MTCL1: variants seen among roughly 807,000 people sequenced by gnomAD.
MTCL1 encodes the protein microtubule crosslinking factor 1.
A neutral mutation model predicts 141.4 loss-of-function variants in MTCL1; 79 were observed. The ratio of observed to expected loss-of-function variants is 0.56; its 90% CI spans 0.47 to 0.67. MTCL1 has a LOEUF of 0.67. Among genes scored for constraint, MTCL1 ranks in the 30% least tolerant of loss-of-function variants. The pLI is 0.00. For synonymous variants in MTCL1, 914 were observed against 875.8 expected (o/e 1.04, Z -0.77); for missense variants, 2,177 against 2,113.9 (o/e 1.03, Z -0.59).
At chr18:8,728,788 T>G (rs1207574605) in intron 4 of MTCL1, among the ~76,000 whole-genome samples, 2 of 44,666 alleles carry the variant, frequency 4.5e-5, no homozygotes, top group Admixed American at 6.9e-4. Flanking sequence ...TGGAGTGCAG[T>G]GGCGTGATTG....
intron 4 of MTCL1, among the ~76,000 whole-genome samples, chr18:8,728,558 A>G (rs1212031573): frequency 1.3e-5 from 2 of 152,052 alleles, no homozygotes; most frequent in African/African-American, 4.8e-5. Context: ...TTTGCTCAGC[A>G]TTCACCGTCA....
At chr18:8,795,286 C>T (rs1006814230) in intron 8 of MTCL1, among the ~76,000 whole-genome samples, 1 of 152,128 alleles carries the variant, frequency 6.6e-6, no homozygotes, top group African/African-American at 2.4e-5. Flanking sequence ...AAACAAATCC[C>T]TTACTTGGTT....
exon 3 of MTCL1, chr18:8,718,618 G>A: frequency 6.2e-7 from 1 of 1,613,430 alleles, no homozygotes; most frequent in East Asian, 2.2e-5. Flanking sequence ...TGGATGGTGA[G>A]CTTATTCGAA....
intron 6 of MTCL1, 32 bp from the exon 6 acceptor site, chr18:8,785,904 A>C (rs755549015): frequency 1.3e-6 from 2 of 1,539,618 alleles, no homozygotes; most frequent in Non-Finnish European, 1.7e-6. Context: ...TTAAAGAACA[A>C]CAACAACAAA....
chr18:8,718,579 A>C (rs1304550539), exon 3 of MTCL1: 1 of 1,614,120 alleles, frequency 6.2e-7, no homozygotes, highest in Admixed American at 1.7e-5. Flanking sequence ...CCGAGCAGAA[A>C]AGCCTGAAAG....
intron 9 of MTCL1, among the ~76,000 whole-genome samples, chr18:8,796,872 A>G (rs1199290403): frequency 6.6e-6 from 1 of 151,648 alleles, no homozygotes; most frequent in Non-Finnish European, 1.5e-5. Flanking sequence ...CTCAATGTCT[A>G]CTCTTTCTTT....
exon 3 of MTCL1, chr18:8,718,631 C>T (rs2096146330): frequency 6.2e-7 from 1 of 1,612,922 alleles, no homozygotes; most frequent in African/African-American, 1.3e-5. Flanking sequence ...TATTCGAAGC[C>T]TGGAGCAGGA....
chr18:8,823,431 C>T (rs626601), intron 14 of MTCL1, among the ~76,000 whole-genome samples: 42,563 of 152,030 alleles, frequency 0.28, 7,313 homozygotes, highest in African/African-American at 0.48. Flanking sequence ...TGGCATGTGT[C>T]CGGCACTTAC....
intron 10 of MTCL1, among the ~76,000 whole-genome samples, chr18:8,806,071 T>C (rs1213928150): frequency 6.6e-6 from 1 of 152,134 alleles, no homozygotes; most frequent in Non-Finnish European, 1.5e-5. Context: ...ATTTGCATGC[T>C]TAACATGAGC....
intron 4 of MTCL1, among the ~76,000 whole-genome samples, chr18:8,725,549 ACT>A (rs2096202827): frequency 6.6e-6 from 1 of 152,070 alleles, no homozygotes; most frequent in Non-Finnish European, 1.5e-5. Flanking sequence ...TTTGGGGTAC[ACT>A]CTGTTATTTT....
chr18:8,772,760 A>G (rs1002077920), intron 4 of MTCL1, among the ~76,000 whole-genome samples: 2 of 151,924 alleles, frequency 1.3e-5, no homozygotes, highest in Non-Finnish European at 2.9e-5. Flanking sequence ...TTTTCTTTAT[A>G]GTGTATTATG....
chr18:8,738,581 G>A (rs973775902), intron 4 of MTCL1, among the ~76,000 whole-genome samples: 2 of 152,176 alleles, frequency 1.3e-5, no homozygotes, highest in Non-Finnish European at 2.9e-5. Flanking sequence ...CAAAGGTGTG[G>A]CATTTCTTTT....
chr18:8,783,503 T>G lies in MTCL1; in HGVS notation c.418-27T>G, dbSNP rs143648570. ...AACATTTGGTATTTTCAAATAACCC[T>G]TCTCCCGGGCTGTTCTCTCCTGGCA... On this transcript the variant is annotated intron_variant, in intron 5 of 16. Transcript: ENST00000359865. 4,122 of 1,547,410 alleles carry G rather than the reference T, an allele frequency of 2.7e-3. 14 individuals are homozygous for G. Among genetic ancestry groups the G allele is most frequent in the Admixed American group, 3.0e-3 (155 of 51,350 alleles).
At position 8,828,782 on chromosome 18, in the gene MTCL1, C is replaced by T; in HGVS notation, c.4723-126C>T. 6.7e-7 allele frequency: 1 copy of T among 1,490,852 alleles called. No homozygotes were observed. The highest frequency in any genetic ancestry group is 1.7e-4 in the Middle Eastern group (1 of 5,780). The allele number at this position is 1,490,852 out of a possible 1,614,324, so 92.4% of individuals were successfully genotyped here. ...CCCGCAAGTCTCTCCTGGTGGCTAC[C>T]CCTGAGCGAGAGGGATGGTCCTCTA... On this transcript the variant is annotated intron_variant, in intron 15 of 16. Coordinates refer to ENST00000359865, the Ensembl canonical transcript of MTCL1. The surrounding 1 kb of genome is among the most constrained non-coding windows in gnomAD (Gnocchi z 5.2).
chr18:8,706,001 G>T, exon 1 of MTCL1: 3 of 1,156,642 alleles, frequency 2.6e-6, no homozygotes, highest in African/African-American at 1.6e-5. Flanking sequence ...CCCCCGCCGG[G>T]CGCCGGGGCC....
At chr18:8,721,417 G>A (rs751109209) in intron 4 of MTCL1, among the ~76,000 whole-genome samples, 4 of 151,832 alleles carry the variant, frequency 2.6e-5, no homozygotes, top group South Asian at 2.1e-4. Flanking sequence ...CTCTCAAGGC[G>A]CCTCCAGTTC....
chr18:8,770,075 G>A (rs956966818), intron 4 of MTCL1, among the ~76,000 whole-genome samples: 7 of 152,204 alleles, frequency 4.6e-5, no homozygotes, highest in African/African-American at 1.7e-4. Context: ...CCAGAAAACA[G>A]CCCAAATATG....
rs371053321 is a variant in MTCL1 at position 8,831,362 on chromosome 18, ATC to A, written c.*19-242_*19-241del. 1,003 of 1,335,672 alleles carry A rather than the reference ATC, an allele frequency of 7.5e-4. 7 individuals are homozygous for A. In the African/African-American group the frequency reaches 0.014, roughly 18 times the overall value. The allele number at this position is 1,335,672 out of a possible 1,614,324, so 82.7% of individuals were successfully genotyped here. A position where few individuals can be genotyped will look rare whatever the true frequency, so the allele number is the denominator to read the frequency against. Reference sequence around the variant, plus strand: ...CTAAAGGAGCTTTGCAAGCTGACTCATCTCACAGTATTGCTGTGTTTAATCAT... The same window carrying A: ...CTAAAGGAGCTTTGCAAGCTGACTCATCACAGTATTGCTGTGTTTAATCAT... On this transcript the variant is annotated intron_variant, in intron 16 of 16. Transcript: ENST00000359865.
intron 9 of MTCL1, among the ~76,000 whole-genome samples, chr18:8,796,936 T>G (rs2075946900): frequency 6.6e-6 from 1 of 152,228 alleles, no homozygotes; most frequent in South Asian, 2.1e-4. Flanking sequence ...ATGGATATTT[T>G]GCATTGTGGT....
Sources: gnomAD v4.1 joint callset for allele counts (sites outside exome capture counted in the v4.1 genomes callset) on GRCh38, gnomAD v4.1.1 for gene constraint, Gnocchi (gnomAD v3.1) non-coding constraint, MANE v1.5 for transcripts, NCBI Gene and HGNC (gene_info 2026-07-23, HGNC 2026-07-21) for gene names.